The following SRFBP1 variants were observed in gnomAD, a reference collection of about 807,000 sequenced individuals.
SRFBP1 encodes serum response factor-binding protein 1.
In SRFBP1, 47 loss-of-function variants were observed where a neutral mutation model predicts 45.5. The observed-to-expected ratio is 1.03, with a 90% CI of 0.82 to 1.32. The LOEUF (loss-of-function observed/expected upper bound fraction) is 1.32. Among genes scored for constraint, SRFBP1 ranks in the 40% most tolerant of loss-of-function variants. SRFBP1 has a pLI of 0.00. For synonymous variants in SRFBP1, 203 were observed against 166.3 expected (o/e 1.22, Z -1.70); for missense variants, 621 against 484.6 (o/e 1.28, Z -2.64).
intron 2 of SRFBP1, among the ~76,000 whole-genome samples, chr5:122,039,703 G>C (rs1753743703): frequency 6.6e-6 from 1 of 152,126 alleles, no homozygotes; most frequent in Admixed American, 6.6e-5. Flanking sequence ...GCATTGAGCA[G>C]ATCCTCCCAA....
chr5:121,977,021 A>C (rs1001583186), intron 3 of SRFBP1, among the ~76,000 whole-genome samples: 1 of 152,204 alleles, frequency 6.6e-6, no homozygotes, highest in Non-Finnish European at 1.5e-5. Context: ...GATACATTTG[A>C]TTAATTAGAA....
At chr5:121,991,841 G>A (rs937973392) in intron 3 of SRFBP1, among the ~76,000 whole-genome samples, 3 of 152,028 alleles carry the variant, frequency 2.0e-5, no homozygotes, top group Non-Finnish European at 2.9e-5. Flanking sequence ...ACATATAGCT[G>A]TATTTAAAAC....
Position 122,073,690 on chromosome 5 carries a change from TG to T in SRFBP1, n.312-1624del, listed in dbSNP as rs564624103. On this transcript the variant is annotated intron_variant and non_coding_transcript_variant, in intron 2 of 2. Transcript: ENST00000504881. ...TGTAACAAGGACCCACACTGACCTG[TG>T]ATCATGAATAGGGGCCACATGCATA... 1.7e-3 allele frequency among the ~76,000 whole-genome samples: 252 copies of T among 152,290 alleles called. 1 individual carries two copies. The highest frequency in any genetic ancestry group is 5.8e-3 in the African/African-American group (242 of 41,566).
intron 3 of SRFBP1, among the ~76,000 whole-genome samples, chr5:121,979,775 C>G (rs896454870): frequency 6.6e-6 from 1 of 152,226 alleles, no homozygotes; most frequent in East Asian, 1.9e-4. Context: ...CCCAGAGTCT[C>G]CAAATGAGGA....
intron 7 of SRFBP1, among the ~76,000 whole-genome samples, chr5:122,023,856 T>C (rs1413804171): frequency 6.6e-6 from 1 of 152,234 alleles, no homozygotes; most frequent in African/African-American, 2.4e-5. Flanking sequence ...CTAGTTACCG[T>C]ACTGAAAATT....
intron 2 of SRFBP1, among the ~76,000 whole-genome samples, chr5:122,059,733 C>T (rs1713107549): frequency 1.3e-5 from 2 of 152,066 alleles, no homozygotes; most frequent in South Asian, 4.1e-4. Flanking sequence ...AGCCTTTGGA[C>T]TGTACTTATT....
At chr5:122,008,478 A>G (rs1753022785) in intron 4 of SRFBP1, among the ~76,000 whole-genome samples, 1 of 152,106 alleles carries the variant, frequency 6.6e-6, no homozygotes, top group Non-Finnish European at 1.5e-5. Flanking sequence ...CCACATGGAA[A>G]GTATTTCTCT....
At chr5:122,014,182 CAT>C (rs151189142) in intron 4 of SRFBP1, among the ~76,000 whole-genome samples, 2,252 of 152,176 alleles carry the variant, frequency 0.015, 23 homozygotes, top group Non-Finnish European at 0.022. Context: ...ACAGAAAACA[CAT>C]CTTAGAGTTT....
intron 2 of SRFBP1, among the ~76,000 whole-genome samples, chr5:122,062,124 T>C (rs1754181134): frequency 6.6e-6 from 1 of 152,058 alleles, no homozygotes; most frequent in East Asian, 1.9e-4. Context: ...AAAAGTATTG[T>C]GAATCTCCCA....
At chr5:121,968,644 T>G (rs1752125261) in intron 1 of SRFBP1, among the ~76,000 whole-genome samples, 1 of 152,212 alleles carries the variant, frequency 6.6e-6, no homozygotes, top group African/African-American at 2.4e-5. Context: ...TGTGTAGCCT[T>G]TTCCTATTGT....
intron 2 of SRFBP1, among the ~76,000 whole-genome samples, chr5:122,055,676 T>G (rs148588330): frequency 3.7e-4 from 57 of 152,252 alleles, no homozygotes; most frequent in Non-Finnish European, 4.4e-4. Flanking sequence ...GCATTAAAAA[T>G]CTAGGGAAAG....
At position 122,016,569 on chromosome 5, in the gene SRFBP1, T is replaced by C. The variant is rs183443080; in HGVS notation, c.271-2691T>C. Reference sequence around the variant, plus strand: ...CTAATGTGACTATTTTCATATATTGTTTTCAGTCTTCTTAGCCTGAAAAAT... The same window carrying C: ...CTAATGTGACTATTTTCATATATTGCTTTCAGTCTTCTTAGCCTGAAAAAT... On this transcript the variant is annotated intron_variant, in intron 4 of 7. Transcript: ENST00000339397. Among the ~76,000 whole-genome samples the C allele has an allele frequency of 4.5e-3, 682 of 152,306 alleles. 1 individual carries two copies. The highest frequency in any genetic ancestry group is 7.2e-3 in the Non-Finnish European group (492 of 68,020).
At chr5:121,977,061 A>G (rs1019915845) in intron 3 of SRFBP1, among the ~76,000 whole-genome samples, 8 of 152,042 alleles carry the variant, frequency 5.3e-5, no homozygotes, top group African/African-American at 1.7e-4. Flanking sequence ...ATCTAAATGT[A>G]AAGCCTGTTT....
chr5:122,043,120 G>A (rs1005630580), intron 2 of SRFBP1, among the ~76,000 whole-genome samples: 14 of 152,176 alleles, frequency 9.2e-5, no homozygotes, highest in Admixed American at 2.6e-4. Flanking sequence ...GCATTGTATA[G>A]TGATAGTCTC....
At chr5:121,979,347 A>C (rs1354628226) in intron 3 of SRFBP1, among the ~76,000 whole-genome samples, 1 of 152,086 alleles carries the variant, frequency 6.6e-6, no homozygotes, top group Non-Finnish European at 1.5e-5. Flanking sequence ...AAAGTTACCA[A>C]GTTTTTTCTA....
In SRFBP1 at chr5:122,039,744, G is replaced by A. The variant is rs190854895; in HGVS notation, n.311+17337G>A. Among the ~76,000 whole-genome samples, 6 of 152,212 alleles carry A rather than the reference G, an allele frequency of 3.9e-5. No individual in the cohort carries two copies. The East Asian group carries it at 1.2e-3, about 29-fold the overall frequency. ...TCCAGTCTTTACACAAGCAAAAAAT[G>A]AATGAGTATTGAAGTGACTGAGATT... On this transcript the variant is annotated intron_variant and non_coding_transcript_variant, in intron 2 of 2. Transcript: ENST00000504881.
intron 2 of SRFBP1, chr5:122,065,596 T>C (rs1371480699): frequency 6.6e-6 from 1 of 152,060 alleles, no homozygotes; most frequent in African/African-American, 2.4e-5. Context: ...TTTGCTAATT[T>C]AGACTATATC....
chr5:121,970,222 C>T (rs77013288), intron 1 of SRFBP1, among the ~76,000 whole-genome samples: 4,101 of 152,124 alleles, frequency 0.027, 200 homozygotes, highest in African/African-American at 0.093. Flanking sequence ...ATTCCTTTTG[C>T]TTTTAGAATT....
downstream of SRFBP1, chr5:122,078,006 C>G (rs761344933): frequency 6.9e-7 from 1 of 1,441,378 alleles, no homozygotes; most frequent in Admixed American, 2.9e-5. Flanking sequence ...GCCAGATTGA[C>G]CCCGCTCGAG....
Sources: allele counts gnomAD v4.1 joint callset (sites outside exome capture counted in the v4.1 genomes callset), GRCh38; gene constraint gnomAD v4.1.1; transcripts MANE v1.5; gene names NCBI Gene and HGNC (gene_info 2026-07-23, HGNC 2026-07-21).